The following LIN28B variants were observed in gnomAD, a reference collection of about 807,000 sequenced individuals.
The protein encoded by LIN28B is protein lin-28 homolog B.
Under a neutral mutation model 21.9 loss-of-function variants are expected in LIN28B, and 5 were observed. The ratio of observed to expected loss-of-function variants is 0.23; its 90% CI spans 0.12 to 0.48. The LOEUF is 0.48. Ranked by LOEUF, LIN28B falls within the 20% of genes least tolerant of loss-of-function variation. The pLI, the probability that LIN28B is intolerant of heterozygous loss-of-function variation, is 0.98. For missense variants in LIN28B, 245 were observed against 310.5 expected (o/e 0.79, Z 1.58); for synonymous variants, 109 against 111.3 (o/e 0.98, Z 0.13).
intron 2 of LIN28B, among the ~76,000 whole-genome samples, 190 bp from the exon 3 acceptor site, chr6:105,026,107 AT>A (rs1482952341): frequency 6.6e-6 from 1 of 152,058 alleles, no homozygotes; most frequent in African/African-American, 2.4e-5. Flanking sequence ...TGCCTTAAAA[AT>A]TTTTTTCTCC....
At chr6:105,056,035 A>G (rs929715092) in intron 3 of LIN28B, among the ~76,000 whole-genome samples, 1 of 146,594 alleles carries the variant, frequency 6.8e-6, no homozygotes, top group Non-Finnish European at 1.5e-5. Context: ...TGCTGGGATT[A>G]CAAGCATGAG....
chr6:104,958,693 A>C (rs916011636), intron 2 of LIN28B, among the ~76,000 whole-genome samples: 4 of 152,192 alleles, frequency 2.6e-5, no homozygotes, highest in Non-Finnish European at 4.4e-5. Context: ...TGTGGAAAGA[A>C]ATGTATAGAT....
chr6:105,053,714 CGTGTGTGTGTGT>C (rs59369365), intron 3 of LIN28B, among the ~76,000 whole-genome samples: 6 of 147,274 alleles, frequency 4.1e-5, no homozygotes, highest in East Asian at 2.0e-4. Context: ...TGTGTGGGTG[CGTGTGTGTGTGT>C]GTGTGTGTGT....
intron 3 of LIN28B, among the ~76,000 whole-genome samples, chr6:105,045,213 C>T (rs1474621355): frequency 6.6e-6 from 1 of 150,910 alleles, no homozygotes; most frequent in Non-Finnish European, 1.5e-5. Context: ...CCTAAATCCA[C>T]TCACTTATAT....
chr6:105,007,717 A>G (rs954743731), intron 2 of LIN28B, among the ~76,000 whole-genome samples: 4 of 152,096 alleles, frequency 2.6e-5, no homozygotes, highest in Admixed American at 1.3e-4. Flanking sequence ...TTTTGTAGAG[A>G]TGGGGTCTCA....
intron 3 of LIN28B, among the ~76,000 whole-genome samples, chr6:105,030,131 G>A (rs1168521191): frequency 1.3e-5 from 2 of 152,086 alleles, no homozygotes; most frequent in East Asian, 1.9e-4. Context: ...TTGTCACTAG[G>A]ATTAGCAATT....
intron 3 of LIN28B, among the ~76,000 whole-genome samples, chr6:105,071,250 A>G (rs1772328305): frequency 6.6e-6 from 1 of 152,066 alleles, no homozygotes; most frequent in South Asian, 2.1e-4. Context: ...CATAAATTCG[A>G]TCATACCGTA....
At chr6:105,009,040 A>C (rs1225807098) in intron 2 of LIN28B, among the ~76,000 whole-genome samples, 2 of 152,224 alleles carry the variant, frequency 1.3e-5, no homozygotes, top group African/African-American at 4.8e-5. Flanking sequence ...AGTACTTTAG[A>C]ACTAACTACT....
At chr6:104,989,606 T>G (rs1770420215) in intron 2 of LIN28B, among the ~76,000 whole-genome samples, 1 of 142,450 alleles carries the variant, frequency 7.0e-6, no homozygotes. Flanking sequence ...TTTTTTGCAT[T>G]TTTTTGAGAC....
intron 3 of LIN28B, among the ~76,000 whole-genome samples, chr6:105,030,592 CTTTTTTT>C (rs980799980): frequency 2.8e-5 from 3 of 106,596 alleles, no homozygotes; most frequent in Non-Finnish European, 3.8e-5. Context: ...TTCTTTCTTT[CTTTTTTT>C]TTTTTTTTTT....
intron 2 of LIN28B, among the ~76,000 whole-genome samples, chr6:104,974,083 A>G (rs1405728881): frequency 6.6e-6 from 1 of 152,226 alleles, no homozygotes; most frequent in Non-Finnish European, 1.5e-5. Context: ...CTGACTCATA[A>G]AATAGGCTAA....
chr6:105,079,404 T>C lies in LIN28B; in HGVS notation c.*621T>C, dbSNP rs1176153371. The C allele has an allele frequency of 6.5e-6, 1 of 152,676 alleles. No homozygotes were observed. The highest frequency in any genetic ancestry group is 1.9e-4 in the East Asian group (1 of 5,168). The allele number at this position is 152,676 out of a possible 1,614,324, so 9.5% of individuals were successfully genotyped here. A position where few individuals can be genotyped will look rare whatever the true frequency, so the allele number is the denominator to read the frequency against. ...GAAATCTCTGGAGTAGTAATTTTTT[T>C]CCCCCTTTTTTGAAGGCAGTACCTT... is the stretch of plus-strand genomic sequence containing the variant. On this transcript the variant is annotated 3_prime_UTR_variant, in exon 4 of 4. Coordinates refer to ENST00000345080, the MANE Select transcript of LIN28B (RefSeq NM_001004317.4).
At chr6:104,977,418 A>C (rs554348875) in intron 2 of LIN28B, among the ~76,000 whole-genome samples, 1 of 152,264 alleles carries the variant, frequency 6.6e-6, no homozygotes, top group South Asian at 2.1e-4. Context: ...TAAACTTCAA[A>C]ACCCTTTATA....
At chr6:105,071,114 G>T (rs1052892487) in intron 3 of LIN28B, among the ~76,000 whole-genome samples, 2 of 152,042 alleles carry the variant, frequency 1.3e-5, no homozygotes, top group African/African-American at 4.8e-5. Flanking sequence ...TCCTGACCTT[G>T]TGATCCGGCC....
intron 2 of LIN28B, among the ~76,000 whole-genome samples, chr6:104,978,278 C>A (rs1770145501): frequency 6.6e-6 from 1 of 152,114 alleles, no homozygotes; most frequent in Non-Finnish European, 1.5e-5. Context: ...CTGTCTAATT[C>A]TCTTTTTAAG....
At chr6:105,060,094 G>C (rs1324852242) in intron 3 of LIN28B, among the ~76,000 whole-genome samples, 1 of 151,980 alleles carries the variant, frequency 6.6e-6, no homozygotes, top group African/African-American at 2.4e-5. Flanking sequence ...GTAGAGACAG[G>C]GCTTCTCCAT....
chr6:105,078,841 T>C lies in LIN28B; in HGVS notation c.*58T>C. 1.3e-6 allele frequency: 2 copies of C among 1,546,106 alleles called. No homozygotes were observed. Among genetic ancestry groups the C allele is most frequent in the East Asian group, 4.5e-5 (2 of 44,192 alleles). ...GGTTGCAAAGTCTACCTCATGCAAG[T>C]ATAGGGGAACAGTATTTCACAAGCA... On this transcript the variant is annotated 3_prime_UTR_variant, in exon 4 of 4. Coordinates refer to ENST00000345080, the MANE Select transcript of LIN28B (RefSeq NM_001004317.4).
chr6:104,937,449 T>A (rs1778023557), intron 2 of LIN28B, among the ~76,000 whole-genome samples: 1 of 152,048 alleles, frequency 6.6e-6, no homozygotes, highest in Admixed American at 6.5e-5. Flanking sequence ...TGATTTTTTG[T>A]AGAGACGGTT....
intron 2 of LIN28B, among the ~76,000 whole-genome samples, chr6:104,987,750 G>A (rs187461801): frequency 1.3e-5 from 2 of 151,736 alleles, no homozygotes; most frequent in Admixed American, 6.6e-5. Flanking sequence ...CTCAATACTC[G>A]TCTTTTTTCT....
Sources: gnomAD v4.1 joint callset for allele counts (sites outside exome capture counted in the v4.1 genomes callset) on GRCh38, gnomAD v4.1.1 for gene constraint, MANE v1.5 for transcripts, NCBI Gene and HGNC (gene_info 2026-07-23, HGNC 2026-07-21) for gene names.